Variants in PCDHAC1 observed in about 807,000 individuals in gnomAD.
PCDHAC1 encodes protocadherin alpha-C1.
In PCDHAC1, 42 loss-of-function variants were observed where a neutral mutation model predicts 60.0. That is an observed-to-expected ratio of 0.70 (90% CI 0.55 to 0.90). The LOEUF is 0.90. PCDHAC1 is among the 40% of genes least tolerant of loss of function. The pLI is 0.00. For synonymous variants in PCDHAC1, 468 were observed against 499.3 expected (o/e 0.94, Z 0.84); for missense variants, 1,160 against 1,222.3 (o/e 0.95, Z 0.76).
In PCDHAC1 at chr5:140,928,392, G is replaced by A. The variant is rs17844366; in HGVS notation, c.1500G>A (p.Val500=). 2.0e-4 allele frequency: 326 copies of A among 1,614,052 alleles called. No homozygotes were observed. The East Asian group carries it at 6.6e-3, about 32-fold the overall frequency. Reference sequence around the variant, plus strand: ...CATCAGCCTCTAGCTTGCTGGCAGTGGAATCATCCAGTGGGGCCATCACTG... The same window carrying A: ...CATCAGCCTCTAGCTTGCTGGCAGTAGAATCATCCAGTGGGGCCATCACTG... The part of the protein sequence containing the change: ...EGPSASSLLA[V]ESSSGAITAK... Residue 500 remains valine, a synonymous_variant, in exon 1 of 4, where the codon GTG becomes GTA. Transcript: ENST00000253807.
At chr5:140,995,999 G>A (rs1489207802) in intron 3 of PCDHAC1, among the ~76,000 whole-genome samples, 3 of 152,198 alleles carry the variant, frequency 2.0e-5, no homozygotes, top group Admixed American at 6.5e-5. Context: ...CAAAAATGTC[G>A]TCAGAACTAT....
At chr5:140,952,794 G>T (rs2094798904) in intron 1 of PCDHAC1, among the ~76,000 whole-genome samples, 1 of 152,140 alleles carries the variant, frequency 6.6e-6, no homozygotes, top group Admixed American at 6.5e-5. Context: ...GGTTTAACTG[G>T]CTCGCAGTTC....
chr5:140,988,308 G>T (rs75602297), intron 3 of PCDHAC1, among the ~76,000 whole-genome samples: 1,856 of 152,298 alleles, frequency 0.012, 44 homozygotes, highest in African/African-American at 0.043. Context: ...TGCCAGCTTG[G>T]CTTGGCTTTC....
chr5:140,983,665 A>G (rs1161885514), intron 3 of PCDHAC1, among the ~76,000 whole-genome samples: 3 of 152,248 alleles, frequency 2.0e-5, no homozygotes, highest in Non-Finnish European at 4.4e-5. Flanking sequence ...GGCAGAGGGT[A>G]GGATTCAAAC....
chr5:140,942,641 G>T (rs1198552335), intron 1 of PCDHAC1, among the ~76,000 whole-genome samples: 1 of 151,754 alleles, frequency 6.6e-6, no homozygotes, highest in African/African-American at 2.4e-5. Flanking sequence ...TGGCAAAAGA[G>T]ATCTCATTCA....
intron 1 of PCDHAC1, among the ~76,000 whole-genome samples, chr5:140,941,214 CCTTTCTTTCTTT>C (rs60032403): frequency 3.3e-5 from 4 of 122,414 alleles, no homozygotes; most frequent in Non-Finnish European, 6.8e-5. Flanking sequence ...TTTCTTTCTT[CCTTTCTTTCTTT>C]CTTTCTTTCT....
chr5:140,945,322 T>C (rs1311724084), intron 1 of PCDHAC1, among the ~76,000 whole-genome samples: 9 of 152,096 alleles, frequency 5.9e-5, no homozygotes, highest in Admixed American at 5.2e-4. Context: ...AATGGAAATA[T>C]ATTTTATGTT....
chr5:140,928,543 A>G lies in PCDHAC1; in HGVS notation c.1651A>G (p.Asn551Asp). 6.2e-7 allele frequency: 1 copy of G among 1,614,204 alleles called. No individual in the cohort carries two copies. The highest frequency in any genetic ancestry group is 8.5e-7 in the Non-Finnish European group (1 of 1,180,040). Residue 551 changes from asparagine (N) to aspartate (D), a missense_variant, in exon 1 of 4, where the codon AAT becomes GAT. This residue lies in a region of PCDHAC1 where 1,113 missense variants were observed against 1,163.7 expected (regional missense o/e 0.96). Transcript: ENST00000253807. ...INLFVVDRND[N>D]YPVILFPLPR... Reference sequence around the variant, plus strand: ...CTTGTTTGTGGTAGATAGGAATGACAATTATCCGGTTATCTTGTTTCCCTT... The same window carrying G: ...CTTGTTTGTGGTAGATAGGAATGACGATTATCCGGTTATCTTGTTTCCCTT...
chr5:140,977,324 C>T (rs1035502087), intron 1 of PCDHAC1, among the ~76,000 whole-genome samples: 5 of 152,102 alleles, frequency 3.3e-5, no homozygotes, highest in Non-Finnish European at 4.4e-5. Context: ...CTCCTGATGG[C>T]GAGGGGAGAG....
intron 1 of PCDHAC1, chr5:140,967,079 A>T: frequency 1.2e-6 from 2 of 1,613,252 alleles, no homozygotes; most frequent in South Asian, 2.2e-5. Flanking sequence ...CAACGAGCGC[A>T]TTGATCGGGA....
At chr5:140,996,791 A>G (rs2153942087) in intron 3 of PCDHAC1, among the ~76,000 whole-genome samples, 1 of 152,316 alleles carries the variant, frequency 6.6e-6, no homozygotes, top group Non-Finnish European at 1.5e-5. Context: ...CTCACTCCCT[A>G]CATCCAATCA....
At position 140,966,988 on chromosome 5, in the gene PCDHAC1, G is replaced by C. The variant is rs782004679; in HGVS notation, c.2434-11961G>C. 1.2e-5 allele frequency: 20 copies of C among 1,603,962 alleles called. No homozygotes were observed. The African/African-American group carries it at 2.1e-4, about 17-fold the overall frequency. Reference sequence around the variant, plus strand: ...GGCTTGAGCTGCGGCGCTTGGGGCCGGGTTGCTTGCGCATCAACCATCTGG... The same window carrying C: ...GGCTTGAGCTGCGGCGCTTGGGGCCCGGTTGCTTGCGCATCAACCATCTGG... On this transcript the variant is annotated intron_variant, in intron 1 of 3. Transcript: ENST00000253807.
chr5:140,930,567 C>T (rs1192022171), intron 1 of PCDHAC1: 11 of 152,480 alleles, frequency 7.2e-5, no homozygotes, highest in African/African-American at 2.2e-4. Context: ...TGAAGCAATT[C>T]TACGGTATTA....
chr5:140,997,349 G>A (rs954510019), intron 3 of PCDHAC1, among the ~76,000 whole-genome samples: 3 of 152,256 alleles, frequency 2.0e-5, no homozygotes, highest in South Asian at 2.1e-4. Context: ...ATCATAGAAT[G>A]TACTTACATA....
At position 140,927,381 on chromosome 5, in the gene PCDHAC1, A is replaced by G; in HGVS notation, c.489A>G (p.Leu163=). The change falls in exon 1 of 4, where the codon CTA becomes CTG. Residue 163 remains leucine, a synonymous_variant. Transcript: ENST00000253807. ...GCAATGGGATACTAAGCTACAGCCT[A>G]AGCCCCAGTCAGCACTTTCGCCTGG... ...EGSNGILSYS[L]SPSQHFRLDM... 1.2e-6 allele frequency: 2 copies of G among 1,614,102 alleles called. No individual in the cohort carries two copies. Among genetic ancestry groups the G allele is most frequent in the Non-Finnish European group, 1.7e-6 (2 of 1,179,934 alleles).
At chr5:140,929,484 T>G (rs1445028927) in intron 1 of PCDHAC1, 159 bp downstream of exon 1, 9 of 1,156,262 alleles carry the variant, frequency 7.8e-6, no homozygotes, top group Non-Finnish European at 1.0e-5. Flanking sequence ...AGTATAGAAG[T>G]ATTAGAAGAT....
At chr5:140,988,092 C>T (rs1266366711) in intron 3 of PCDHAC1, among the ~76,000 whole-genome samples, 6 of 152,174 alleles carry the variant, frequency 3.9e-5, no homozygotes, top group East Asian at 1.9e-4. Flanking sequence ...AGTGCAGCCT[C>T]GGGCCTTGTT....
intron 3 of PCDHAC1, among the ~76,000 whole-genome samples, chr5:141,006,736 G>C (rs939000554): frequency 2.0e-5 from 3 of 152,122 alleles, no homozygotes; most frequent in African/African-American, 7.2e-5. Context: ...AGGTCTTGAT[G>C]ATGTATTATA....
chr5:140,967,364 C>T, intron 1 of PCDHAC1: 2 of 1,607,620 alleles, frequency 1.2e-6, no homozygotes, highest in Non-Finnish European at 1.7e-6. Flanking sequence ...CCTTAAGCCC[C>T]TGCAGGAGAA....
Sources: allele counts gnomAD v4.1 joint callset (sites outside exome capture counted in the v4.1 genomes callset), GRCh38; gene constraint gnomAD v4.1.1; regional missense constraint gnomAD v4.1.1; transcripts MANE v1.5; gene names NCBI Gene and HGNC (gene_info 2026-07-23, HGNC 2026-07-21).